Variants in STXBP5L observed in about 807,000 individuals in gnomAD.
The protein encoded by STXBP5L is syntaxin-binding protein 5-like.
A neutral mutation model predicts 144.5 loss-of-function variants in STXBP5L; 65 were observed. The observed-to-expected ratio is 0.45, with a 90% CI of 0.37 to 0.55. The LOEUF (loss-of-function observed/expected upper bound fraction) is 0.55. Among genes scored for constraint, STXBP5L ranks in the 20% least tolerant of loss-of-function variants. STXBP5L has a pLI of 0.00. For missense variants in STXBP5L, 1,298 were observed against 1,405.5 expected (o/e 0.92, Z 1.22); for synonymous variants, 505 against 469.6 (o/e 1.08, Z -0.97).
chr3:121,211,917 ATG>A (rs1248984994), intron 10 of STXBP5L, among the ~76,000 whole-genome samples: 1 of 152,124 alleles, frequency 6.6e-6, no homozygotes, highest in East Asian at 1.9e-4. Context: ...TCTAACTGGC[ATG>A]AGATTGTATC....
Position 121,105,698 on chromosome 3 carries a change from A to G in STXBP5L, c.471-9227A>G, listed in dbSNP as rs140633402. On this transcript the variant is annotated intron_variant, in intron 5 of 26. Transcript: ENST00000471454. Reference sequence around the variant, plus strand: ...AAAAAAGCTGTTAGAATAGATAAATATAGTGAAAAGGTACAAACTAAGTAT... The same window carrying G: ...AAAAAAGCTGTTAGAATAGATAAATGTAGTGAAAAGGTACAAACTAAGTAT... Among the ~76,000 whole-genome samples, 888 of 152,240 alleles carry G rather than the reference A, an allele frequency of 5.8e-3. 10 individuals carry two copies. Among genetic ancestry groups the G allele is most frequent in the South Asian group, 0.012 (56 of 4,820 alleles).
intron 20 of STXBP5L, among the ~76,000 whole-genome samples, chr3:121,337,850 T>C (rs992823156): frequency 2.0e-5 from 3 of 152,096 alleles, no homozygotes; most frequent in Non-Finnish European, 4.4e-5. Flanking sequence ...TGAAATTATA[T>C]CAAGTACCTT....
chr3:121,393,590 C>T (rs979115395), intron 22 of STXBP5L, among the ~76,000 whole-genome samples: 2 of 152,076 alleles, frequency 1.3e-5, no homozygotes, highest in African/African-American at 4.8e-5. Context: ...CTGTAATTCA[C>T]CTTGAGTTAC....
chr3:121,249,471 G>A (rs1319576299), intron 14 of STXBP5L, among the ~76,000 whole-genome samples: 1 of 151,986 alleles, frequency 6.6e-6, no homozygotes, highest in African/African-American at 2.4e-5. Flanking sequence ...GTTGTAAGTG[G>A]TACTATTTTG....
At chr3:121,047,466 A>G (rs1947596606) in intron 5 of STXBP5L, among the ~76,000 whole-genome samples, 1 of 152,110 alleles carries the variant, frequency 6.6e-6, no homozygotes, top group African/African-American at 2.4e-5. Context: ...GAAGTCTCCC[A>G]CTATTATTGT....
intron 9 of STXBP5L, among the ~76,000 whole-genome samples, chr3:121,194,322 A>G (rs1032668436): frequency 9.2e-5 from 14 of 152,194 alleles, no homozygotes; most frequent in African/African-American, 2.9e-4. Flanking sequence ...TTCTCTTAAC[A>G]AAATTCTTTC....
chr3:121,066,215 A>C (rs767190865), intron 5 of STXBP5L, among the ~76,000 whole-genome samples: 3 of 152,190 alleles, frequency 2.0e-5, no homozygotes, highest in Non-Finnish European at 2.9e-5. Context: ...AAAATGGAAA[A>C]GAACAGTGGT....
chr3:120,931,681 T>A (rs949284454), intron 2 of STXBP5L, among the ~76,000 whole-genome samples: 1 of 152,156 alleles, frequency 6.6e-6, no homozygotes, highest in African/African-American at 2.4e-5. Flanking sequence ...AATTTCTCAT[T>A]ATTAGGCAAC....
chr3:120,989,875 G>A (rs1003809125), intron 3 of STXBP5L, among the ~76,000 whole-genome samples: 4 of 152,152 alleles, frequency 2.6e-5, no homozygotes, highest in Non-Finnish European at 4.4e-5. Context: ...AAAACTTGAA[G>A]CATTCTCTTT....
chr3:121,360,796 C>G (rs1445950467), intron 20 of STXBP5L, among the ~76,000 whole-genome samples: 1 of 152,010 alleles, frequency 6.6e-6, no homozygotes, highest in Non-Finnish European at 1.5e-5. Context: ...ATCATTTAGT[C>G]TTTCTACTTA....
chr3:120,989,882 C>A (rs928901202), intron 3 of STXBP5L, among the ~76,000 whole-genome samples: 2 of 152,164 alleles, frequency 1.3e-5, no homozygotes, highest in African/African-American at 2.4e-5. Flanking sequence ...GAAGCATTCT[C>A]TTTGAAAACT....
intron 3 of STXBP5L, among the ~76,000 whole-genome samples, chr3:121,003,860 T>G (rs1025856742): frequency 2.6e-5 from 4 of 152,336 alleles, no homozygotes; most frequent in African/African-American, 9.6e-5. Flanking sequence ...ATCAGATGGT[T>G]GAAGATATAT....
chr3:121,065,476 C>T (rs890724218), intron 5 of STXBP5L, among the ~76,000 whole-genome samples: 1 of 152,116 alleles, frequency 6.6e-6, no homozygotes, highest in African/African-American at 2.4e-5. Flanking sequence ...TGCTATATAA[C>T]AATGTTACCA....
intron 10 of STXBP5L, among the ~76,000 whole-genome samples, chr3:121,217,234 AG>A (rs2048810632): frequency 6.6e-6 from 1 of 152,122 alleles, no homozygotes; most frequent in African/African-American, 2.4e-5. Context: ...AGGTATGAAA[AG>A]AAACTCCTTC....
At chr3:121,207,349 T>A (rs982723740) in intron 10 of STXBP5L, among the ~76,000 whole-genome samples, 4 of 152,182 alleles carry the variant, frequency 2.6e-5, no homozygotes, top group African/African-American at 9.7e-5. Flanking sequence ...GATTAAAGAC[T>A]TAAATGTTAG....
At chr3:121,303,240 A>C (rs1196126334) in intron 19 of STXBP5L, among the ~76,000 whole-genome samples, 2 of 152,246 alleles carry the variant, frequency 1.3e-5, no homozygotes, top group Non-Finnish European at 2.9e-5. Context: ...CACTTCTCAA[A>C]AGAAGACATT....
intron 5 of STXBP5L, among the ~76,000 whole-genome samples, chr3:121,072,774 G>T (rs977532710): frequency 3.9e-5 from 6 of 152,158 alleles, no homozygotes; most frequent in Non-Finnish European, 2.9e-5. Flanking sequence ...TGCAATGGAT[G>T]ACTGCTACTT....
intron 11 of STXBP5L, among the ~76,000 whole-genome samples, chr3:121,231,120 C>T (rs1427494367): frequency 1.3e-5 from 2 of 152,278 alleles, no homozygotes; most frequent in African/African-American, 4.8e-5. Flanking sequence ...TTCCAATGGT[C>T]CTCTTGTTTA....
At position 121,381,506 on chromosome 3, in the gene STXBP5L, C is replaced by T. The variant is rs374960778; in HGVS notation, c.2561C>T (p.Thr854Ile). Residue 854 changes from threonine (T) to isoleucine (I), a missense_variant, in exon 22 of 27, where the codon ACA becomes ATA. Coordinates refer to ENST00000471454, the MANE Select transcript of STXBP5L (RefSeq NM_001308330.2). ...CCATTAGCAGATGAACAAAGGTTTA[C>T]AGAGCCAGTCATGGTATTGCCAAGT... ...NLPLADEQRF[T>I]EPVMVLPSGT... 1.0e-5 allele frequency: 16 copies of T among 1,593,798 alleles called. No individual in the cohort carries two copies. Among genetic ancestry groups the T allele is most frequent in the Admixed American group, 1.9e-5 (1 of 53,134 alleles).
Sources: gnomAD v4.1 joint callset for allele counts (sites outside exome capture counted in the v4.1 genomes callset) on GRCh38, gnomAD v4.1.1 for gene constraint, MANE v1.5 for transcripts, NCBI Gene and HGNC (gene_info 2026-07-23, HGNC 2026-07-21) for gene names.